TSPEAR: variants seen among roughly 807,000 people sequenced by gnomAD.
The protein encoded by TSPEAR is thrombospondin-type laminin G domain and EAR repeat-containing protein.
Under a neutral mutation model 71.6 loss-of-function variants are expected in TSPEAR, and 69 were observed. The ratio of observed to expected loss-of-function variants is 0.96; its 90% CI spans 0.79 to 1.18. The LOEUF is 1.18. Among genes scored for constraint, TSPEAR ranks in the 50% most tolerant of loss-of-function variants. The pLI, the probability that TSPEAR is intolerant of heterozygous loss-of-function variation, is 0.00. For synonymous variants in TSPEAR, 402 were observed against 387.2 expected (o/e 1.04, Z -0.45); for missense variants, 971 against 894.9 (o/e 1.09, Z -1.09).
At chr21:44,575,187 G>C in intron 1 of TSPEAR, 1 of 749,886 alleles carries the variant, frequency 1.3e-6, no homozygotes, top group Non-Finnish European at 2.2e-6. Context: ...CCCTCTTGCG[G>C]GGGGAGGGGG....
At chr21:44,688,251 G>A (rs1428920548) in intron 1 of TSPEAR, among the ~76,000 whole-genome samples, 1 of 151,858 alleles carries the variant, frequency 6.6e-6, no homozygotes, top group Non-Finnish European at 1.5e-5. Context: ...TGGATCGCAG[G>A]TCAGCCAAAT....
At chr21:44,637,608 C>G in intron 1 of TSPEAR, 1 of 1,613,930 alleles carries the variant, frequency 6.2e-7, no homozygotes, top group Non-Finnish European at 8.5e-7. Context: ...GCCTGCCAAT[C>G]AGGCTACACC....
At chr21:44,509,053 A>G in intron 10 of TSPEAR, 146 bp downstream of exon 10, 2 of 1,360,190 alleles carry the variant, frequency 1.5e-6, no homozygotes, top group Non-Finnish European at 2.0e-6. Context: ...TTCCACAGGA[A>G]GGTCCCCAGG....
At chr21:44,707,341 G>A (rs1451736817) in intron 1 of TSPEAR, among the ~76,000 whole-genome samples, 1 of 151,874 alleles carries the variant, frequency 6.6e-6, no homozygotes, top group Non-Finnish European at 1.5e-5. Context: ...GGGTCGGAAG[G>A]GTGAGGGGTA....
intron 1 of TSPEAR, chr21:44,675,791 C>T (rs142797728): frequency 1.8e-6 from 1 of 550,696 alleles, no homozygotes; most frequent in Admixed American, 3.1e-5. Flanking sequence ...ATTCTGGGAC[C>T]CTTGCGGCAA....
intron 1 of TSPEAR, among the ~76,000 whole-genome samples, chr21:44,683,720 T>TA (rs201163447): frequency 0.083 from 12,531 of 151,856 alleles, 645 homozygotes; most frequent in Middle Eastern, 0.17. Flanking sequence ...AATTCACTGT[T>TA]AAAAAAAATA....
Sources: allele counts gnomAD v4.1 joint callset (sites outside exome capture counted in the v4.1 genomes callset), GRCh38; gene constraint gnomAD v4.1.1; transcripts MANE v1.5; gene names NCBI Gene and HGNC (gene_info 2026-07-23, HGNC 2026-07-21).